The following MUC4 variants were observed in gnomAD, a reference collection of about 807,000 sequenced individuals.
The protein encoded by MUC4 is mucin-4.
MUC4 carries 202 observed loss-of-function variants against 257.9 expected under a neutral mutation model. The ratio of observed to expected loss-of-function variants is 0.78; its 90% confidence interval spans 0.70 to 0.88. The LOEUF is 0.88. Ranked by LOEUF, MUC4 falls within the 40% of genes least tolerant of loss-of-function variation. The pLI, the probability that MUC4 is intolerant of heterozygous loss-of-function variation, is 0.00. For synonymous variants in MUC4, 2,351 were observed against 2,757.1 expected (o/e 0.85, Z 4.62); for missense variants, 5,976 against 6,513.7 (o/e 0.92, Z 2.84).
At chr3:195,756,363 C>T (rs1007499875) in intron 18 of MUC4, among the ~76,000 whole-genome samples, 10 of 152,342 alleles carry the variant, frequency 6.6e-5, no homozygotes, top group Middle Eastern at 6.8e-3. Context: ...CACCCCACAC[C>T]GCAGGGCCCT....
chr3:195,775,802 A>T (rs1376355389), intron 3 of MUC4, among the ~76,000 whole-genome samples: 1 of 37,808 alleles, frequency 2.6e-5, no homozygotes, highest in Non-Finnish European at 4.6e-5. Context: ...TTCCACACCC[A>T]TACCTTCCAC....
chr3:195,801,293 T>C (rs1047366903), intron 1 of MUC4, among the ~76,000 whole-genome samples: 6 of 152,166 alleles, frequency 3.9e-5, no homozygotes, highest in African/African-American at 1.4e-4. Flanking sequence ...CTGGGAGATT[T>C]GCGCCTAAAG....
At chr3:195,774,083 A>ATG in intron 4 of MUC4, 89 bp downstream of exon 4, 6 of 1,421,752 alleles carry the variant, frequency 4.2e-6, no homozygotes, top group Non-Finnish European at 5.6e-6. Flanking sequence ...GGCTGCTTCC[A>ATG]TTCCCGCTTC....
intron 7 of MUC4, among the ~76,000 whole-genome samples, 156 bp from the exon 8 acceptor site, chr3:195,766,907 C>T (rs1560258798): frequency 1.3e-5 from 2 of 152,200 alleles, no homozygotes. Context: ...CGTCAAGCCC[C>T]AGCACTGAGC....
intron 1 of MUC4, among the ~76,000 whole-genome samples, chr3:195,797,646 C>T (rs999677307): frequency 3.3e-5 from 5 of 151,916 alleles, no homozygotes; most frequent in African/African-American, 4.8e-5. Flanking sequence ...TGAAATAAGA[C>T]GAGAAAATTA....
rs369127921 is a variant in MUC4, at chr3:195,759,159, G to A, written c.14951C>T (p.Thr4984Met). The A allele has an allele frequency of 5.1e-5, 83 of 1,613,916 alleles. 1 individual carries two copies. In the Middle Eastern group the frequency reaches 1.3e-3, roughly 26 times the overall value. The change falls in exon 17 of 25, where the codon ACG becomes ATG. Residue 4984 changes from threonine (T) to methionine (M), a missense_variant. Coordinates refer to ENST00000463781, the MANE Select transcript of MUC4 (RefSeq NM_018406.7). Reference sequence around the variant, plus strand: ...CAAGTCGGTGCAGCTGTCTCTGAGCGTGAAGTTGGCATCCTCAGCATTGCT... The same window carrying A: ...CAAGTCGGTGCAGCTGTCTCTGAGCATGAAGTTGGCATCCTCAGCATTGCT... ...YTSNAEDANF[T>M]LRDSCTDLEL...
intron 13 of MUC4, among the ~76,000 whole-genome samples, 173 bp downstream of exon 13, chr3:195,762,682 A>G (rs3107756): frequency 1.5e-4 from 10 of 67,656 alleles, no homozygotes; most frequent in Admixed American, 2.9e-4. Flanking sequence ...ACCACAACGC[A>G]CCCGGCCCTG....
chr3:195,811,330 C>T (rs190628623), intron 1 of MUC4, among the ~76,000 whole-genome samples: 27 of 152,046 alleles, frequency 1.8e-4, no homozygotes, highest in African/African-American at 6.0e-4. Flanking sequence ...GGGCCCACCA[C>T]GACCGGCTAA....
intron 23 of MUC4, among the ~76,000 whole-genome samples, chr3:195,749,621 T>C (rs1262305639): frequency 6.6e-6 from 1 of 152,206 alleles, no homozygotes; most frequent in Non-Finnish European, 1.5e-5. Flanking sequence ...TATTATAATG[T>C]ATTTTAAAAT....
In MUC4 at chr3:195,761,524, TG is replaced by T. The variant is rs767547445; in HGVS notation, c.14573del (p.Pro4858GlnfsTer13). On this transcript the variant is annotated frameshift_variant, in exon 15 of 25. Transcript: ENST00000463781. LOFTEE classifies it high-confidence loss of function. The stretch of plus-strand genomic sequence containing the variant: ...GGAAAAGCATCTCCTCAGGGCTCCC[TG>T]GGGGAATGGTGGAGCCATTGGGCAT... ...FRMPNGSTIP[P>X]GSPEEMLFHF... 14 of 1,613,986 alleles carry T rather than the reference TG, an allele frequency of 8.7e-6. No homozygotes were observed. The East Asian group carries it at 2.9e-4, about 33-fold the overall frequency.
Position 195,788,699 on chromosome 3 carries a change from C to G in MUC4, c.2881G>C (p.Gly961Arg), listed in dbSNP as rs572293609. 5.0e-6 allele frequency: 8 copies of G among 1,608,628 alleles called. No individual in the cohort carries two copies. The highest frequency in any genetic ancestry group is 4.4e-5 in the South Asian group (4 of 90,986). ...QTETHTLSPS[G>R]SGKTFTTALI... ...GCCGTGGTGAAGGTTTTACCAGACC[C>G]TGAAGGTGACAGAGTGTGGGTCTCG... The change falls in exon 2 of 25, where the codon GGG (glycine) becomes CGG (arginine). Residue 961 changes from glycine (G) to arginine (R), a missense_variant. By Grantham distance (125) the Gly-to-Arg change is moderately radical. Coordinates refer to ENST00000463781, the MANE Select transcript of MUC4 (RefSeq NM_018406.7).
intron 7 of MUC4, 108 bp from the exon 8 acceptor site, chr3:195,766,859 T>A (rs1007853885): frequency 2.2e-5 from 22 of 987,714 alleles, no homozygotes; most frequent in Admixed American, 4.0e-5. Context: ...GTCAACCAGC[T>A]AGGCGGGCAG....
chr3:195,781,399 G>C lies in MUC4; in HGVS notation c.10181C>G (p.Pro3394Arg), dbSNP rs546155453. The C allele has an allele frequency of 3.3e-6, 5 of 1,528,080 alleles. 1 individual carries two copies. The highest frequency in any genetic ancestry group is 4.4e-6 in the Non-Finnish European group (5 of 1,132,238). 94.7% of individuals were successfully genotyped at this position (1,528,080 alleles called of 1,614,324 possible). ...GGATACTGAGGAAGTGTTGGTGACA[G>C]GAAGAGGGGTGGCCTGACCTGTGGA... The part of the protein sequence containing the change: ...SASTGQATPL[P>R]VTNTSSVSTG... The change falls in exon 2 of 25, where the codon CCT (proline) becomes CGT (arginine). Residue 3394 changes from proline (P) to arginine (R), a missense_variant. Coordinates refer to ENST00000463781, the MANE Select transcript of MUC4 (RefSeq NM_018406.7).
At chr3:195,804,398 G>T (rs1257827570) in intron 1 of MUC4, among the ~76,000 whole-genome samples, 1 of 152,210 alleles carries the variant, frequency 6.6e-6, no homozygotes, top group Non-Finnish European at 1.5e-5. Context: ...CTGTTGGCTC[G>T]GGAGAAGGAG....
At chr3:195,775,136 GA>G (rs1724067870) in intron 3 of MUC4, among the ~76,000 whole-genome samples, 1 of 151,998 alleles carries the variant, frequency 6.6e-6, no homozygotes, top group Non-Finnish European at 1.5e-5. Flanking sequence ...GTCCTGCTTG[GA>G]AACCCGCAGG....
rs1733026586 is a variant in MUC4 at position 195,788,124 on chromosome 3, AGGGG to A, written c.3452_3455del (p.Thr1151IlefsTer84). ...CTGAGGAAGCATCAGTGACATGAAG[AGGGG>A]TGGTGTGACCTGTGGATACTGAGGA... On this transcript the variant is annotated frameshift_variant, in exon 2 of 25. Coordinates refer to ENST00000463781, the MANE Select transcript of MUC4 (RefSeq NM_018406.7). LOFTEE classifies it high-confidence loss of function. 7.7e-7 allele frequency: 1 copy of A among 1,298,642 alleles called. No individual in the cohort carries two copies. Among genetic ancestry groups the A allele is most frequent in the African/African-American group, 1.7e-5 (1 of 58,062 alleles). 80.4% of individuals were successfully genotyped at this position (1,298,642 alleles called of 1,614,324 possible).
In MUC4 at chr3:195,781,151, T is replaced by A; in HGVS notation, c.10429A>T (p.Ser3477Cys). 7.0e-7 allele frequency: 1 copy of A among 1,419,970 alleles called. No homozygotes were observed. Among genetic ancestry groups the A allele is most frequent in the Non-Finnish European group, 9.3e-7 (1 of 1,075,040 alleles). 88.0% of individuals were successfully genotyped at this position (1,419,970 alleles called of 1,614,324 possible). A position where few individuals can be genotyped will look rare whatever the true frequency, so the allele number is the denominator to read the frequency against. Residue 3477 changes from serine (S) to cysteine (C), a missense_variant, in exon 2 of 25, where the codon AGC becomes TGC. Physicochemically the swap from Ser to Cys is moderately radical, Grantham distance 112 (BLOSUM62 -1). Transcript: ENST00000463781. ...TGDTTPLPVT[S>C]PSSASTGHTT... ...TGACCTGTAGATGCTGAGGAAGGGC[T>A]GGTGACAGGAAGAGGGGTGGTGTCA...
chr3:195,749,054 G>T lies in MUC4; in HGVS notation c.15882C>A (p.Ser5294Arg). The part of the protein sequence containing the change: ...DVRDVTALNV[S>R]TLKAYFRCDG... ...CGCATCTGAAGTAAGCCTTCAGCGT[G>T]CTCACGTTCACTGTCGGGAAGGACA... The change falls in exon 24 of 25, where the codon AGC (serine) becomes AGA (arginine). Residue 5294 changes from serine to arginine, a missense_variant. By Grantham distance (110) the Ser-to-Arg change is moderately radical (BLOSUM62 -1). Transcript: ENST00000463781. 6.2e-7 allele frequency: 1 copy of T among 1,606,990 alleles called. No homozygotes were observed. Among genetic ancestry groups the T allele is most frequent in the Non-Finnish European group, 8.5e-7 (1 of 1,175,790 alleles).
At chr3:195,811,706 C>T in intron 1 of MUC4, 30 bp downstream of exon 1, 2 of 1,609,702 alleles carry the variant, frequency 1.2e-6, no homozygotes, top group Non-Finnish European at 8.5e-7. Flanking sequence ...CTCCCCGCAG[C>T]CAGCCTCATC....
Sources: allele counts gnomAD v4.1 joint callset (sites outside exome capture counted in the v4.1 genomes callset), GRCh38; gene constraint gnomAD v4.1.1; transcripts MANE v1.5; gene names NCBI Gene and HGNC (gene_info 2026-07-23, HGNC 2026-07-21).